The following RASAL2 variants were observed in gnomAD, a reference collection of about 807,000 sequenced individuals.
The protein encoded by RASAL2 is RAS protein activator like 2, also known as ras GTPase-activating protein nGAP.
In RASAL2, 58 loss-of-function variants were observed where a neutral mutation model predicts 128.9. That is an observed-to-expected ratio of 0.45 (90% CI 0.36 to 0.56). RASAL2 has a LOEUF of 0.56. RASAL2 is among the 20% of genes least tolerant of loss of function. RASAL2 has a pLI of 0.00. For missense variants in RASAL2, 1,360 were observed against 1,601.6 expected, an observed-to-expected ratio of 0.85 and a Z score of 2.57; for synonymous variants, 561 against 580.8, an observed-to-expected ratio of 0.97 and a Z score of 0.49.
intron 2 of RASAL2, among the ~76,000 whole-genome samples, chr1:178,289,179 T>G (rs1377819851): frequency 6.6e-6 from 1 of 152,162 alleles, no homozygotes; most frequent in Non-Finnish European, 1.5e-5. Context: ...AATTCAGTGG[T>G]CAGTTCTCAG....
chr1:178,267,105 A>G (rs764176762), intron 1 of RASAL2, among the ~76,000 whole-genome samples: 16 of 152,266 alleles, frequency 1.1e-4, no homozygotes, highest in Non-Finnish European at 2.2e-4. Context: ...TGCCTAAAAT[A>G]ATTTCTTAAC....
intron 1 of RASAL2, among the ~76,000 whole-genome samples, chr1:178,150,290 G>A (rs1247054568): frequency 1.3e-5 from 2 of 152,102 alleles, no homozygotes; most frequent in Non-Finnish European, 2.9e-5. Flanking sequence ...CACCTCCTGG[G>A]TTCAAGTGAT....
chr1:178,183,063 T>A lies in RASAL2; in HGVS notation c.202+88369T>A, dbSNP rs535892868. Among the ~76,000 whole-genome samples the A allele has an allele frequency of 4.6e-5, 7 of 152,270 alleles. No homozygotes were observed. The East Asian group carries it at 1.4e-3, about 29-fold the overall frequency. On this transcript the variant is annotated intron_variant, in intron 1 of 17. Coordinates refer to ENST00000367649, the MANE Select transcript of RASAL2 (RefSeq NM_170692.4). ...AATGCTCACTCACCCACCGCTCACC[T>A]CCTGCTGTGTGGCCCACTTGCTAAC... is the stretch of plus-strand genomic sequence containing the variant.
At chr1:178,318,528 A>T (rs983385091) in intron 3 of RASAL2, among the ~76,000 whole-genome samples, 6 of 149,408 alleles carry the variant, frequency 4.0e-5, no homozygotes, top group African/African-American at 1.5e-4. Context: ...TGTTGAATTG[A>T]TCCCTTTACC....
At chr1:178,376,410 C>T (rs1671990046) in intron 3 of RASAL2, among the ~76,000 whole-genome samples, 1 of 152,052 alleles carries the variant, frequency 6.6e-6, no homozygotes, top group African/African-American at 2.4e-5. Flanking sequence ...ATTGAGAAGA[C>T]TTGTACATAT....
intron 3 of RASAL2, among the ~76,000 whole-genome samples, chr1:178,329,633 T>C (rs1051348262): frequency 5.9e-5 from 9 of 152,154 alleles, no homozygotes; most frequent in African/African-American, 2.2e-4. Flanking sequence ...GTGAACGTGA[T>C]GTCTAAATAT....
At chr1:178,333,514 A>G (rs1027171546) in intron 3 of RASAL2, among the ~76,000 whole-genome samples, 14 of 149,210 alleles carry the variant, frequency 9.4e-5, no homozygotes, top group East Asian at 3.9e-4. Context: ...TTTATATCCT[A>G]TTGCTCAAGG....
chr1:178,409,132 T>C (rs1361574542), intron 4 of RASAL2, among the ~76,000 whole-genome samples: 5 of 152,134 alleles, frequency 3.3e-5, no homozygotes, highest in Non-Finnish European at 7.4e-5. Flanking sequence ...TGGGAGGTGG[T>C]TGGAGAAGAT....
intron 4 of RASAL2, among the ~76,000 whole-genome samples, chr1:178,390,526 A>G (rs1314803486): frequency 1.3e-5 from 2 of 151,964 alleles, no homozygotes; most frequent in Non-Finnish European, 2.9e-5. Flanking sequence ...TTACAGGCGC[A>G]TACCATCATG....
chr1:178,184,716 G>A (rs1662230511), intron 1 of RASAL2, among the ~76,000 whole-genome samples: 1 of 151,920 alleles, frequency 6.6e-6, no homozygotes, highest in Non-Finnish European at 1.5e-5. Flanking sequence ...CTTGATTACT[G>A]TAGCTTTGTA....
At chr1:178,297,521 C>T (rs892169975) in intron 2 of RASAL2, among the ~76,000 whole-genome samples, 7 of 149,188 alleles carry the variant, frequency 4.7e-5, no homozygotes, top group Admixed American at 3.4e-4. Flanking sequence ...ACAGGAGAAT[C>T]GCTTGAACTT....
chr1:178,308,680 A>G lies in RASAL2; in HGVS notation c.457+8562A>G, dbSNP rs1283936112. Among the ~76,000 whole-genome samples, 4 of 151,480 alleles carry G rather than the reference A, an allele frequency of 2.6e-5. No individual in the cohort carries two copies. In the East Asian group the frequency reaches 7.7e-4, roughly 29 times the overall value. On this transcript the variant is annotated intron_variant, in intron 3 of 17. Coordinates refer to ENST00000367649, the MANE Select transcript of RASAL2 (RefSeq NM_170692.4). ...CCCACCTCCACCTGCCAAGCAACTGATACTACAGGCACTCACCACCATGCC... is the reference window on the plus strand; with the variant it reads ...CCCACCTCCACCTGCCAAGCAACTGGTACTACAGGCACTCACCACCATGCC...
At chr1:178,206,798 C>A (rs1006450307) in intron 1 of RASAL2, among the ~76,000 whole-genome samples, 2 of 151,888 alleles carry the variant, frequency 1.3e-5, no homozygotes, top group East Asian at 3.9e-4. Context: ...CTTGGAGTAA[C>A]CTTTAAAAAA....
intron 1 of RASAL2, among the ~76,000 whole-genome samples, chr1:178,245,491 A>G (rs1168482410): frequency 1.3e-5 from 2 of 152,130 alleles, no homozygotes; most frequent in South Asian, 2.1e-4. Context: ...TCAGATGGGT[A>G]GATTACAAAA....
intron 4 of RASAL2, among the ~76,000 whole-genome samples, chr1:178,397,649 AC>A (rs1260804101): frequency 1.3e-5 from 2 of 151,220 alleles, no homozygotes; most frequent in African/African-American, 4.9e-5. Flanking sequence ...TCGCTGTGTC[AC>A]CCATGCTGGA....
intron 1 of RASAL2, among the ~76,000 whole-genome samples, chr1:178,206,751 A>G (rs182990319): frequency 2.7e-4 from 41 of 152,372 alleles, no homozygotes; most frequent in Admixed American, 1.4e-3. Context: ...TTATAATGTT[A>G]CTTCTAACAG....
intron 3 of RASAL2, among the ~76,000 whole-genome samples, chr1:178,356,293 G>C (rs183445358): frequency 1.3e-5 from 2 of 152,112 alleles, no homozygotes; most frequent in Non-Finnish European, 2.9e-5. Context: ...TACATTGCTA[G>C]TGGGAGTAAA....
At chr1:178,461,643 A>C (rs1360565045) in intron 14 of RASAL2, among the ~76,000 whole-genome samples, 1 of 152,192 alleles carries the variant, frequency 6.6e-6, no homozygotes, top group Non-Finnish European at 1.5e-5. Context: ...GAGACCTTTT[A>C]AAATAGATAA....
intron 1 of RASAL2, among the ~76,000 whole-genome samples, chr1:178,174,820 T>C (rs1661829374): frequency 6.6e-6 from 1 of 152,194 alleles, no homozygotes; most frequent in Admixed American, 6.5e-5. Flanking sequence ...TGTGCTAAAT[T>C]CAGCTCTTTC....
Sources: gnomAD v4.1 joint callset for allele counts (sites outside exome capture counted in the v4.1 genomes callset) on GRCh38, gnomAD v4.1.1 for gene constraint, MANE v1.5 for transcripts, NCBI Gene and HGNC (gene_info 2026-07-23, HGNC 2026-07-21) for gene names.